Variants in DNAH11 observed in about 807,000 individuals in gnomAD.
DNAH11 encodes the protein axonemal beta dynein heavy chain 11.
In DNAH11, 442 loss-of-function variants were observed where a neutral mutation model predicts 526.0. That is an observed-to-expected ratio of 0.84 (90% CI 0.78 to 0.91). The LOEUF (loss-of-function observed/expected upper bound fraction) is 0.91, where lower values mean the gene tolerates loss of function less well. DNAH11 is among the 40% of genes least tolerant of loss of function. DNAH11 has a pLI of 0.00. For missense variants in DNAH11, 6,989 were observed against 5,448.7 expected (o/e 1.28, Z -8.90); for synonymous variants, 2,461 against 1,935.9 (o/e 1.27, Z -7.12).
chr7:21,789,805 C>CTTTCTTTCTTTCTTTCTTTT (rs1788370094), intron 61 of DNAH11, among the ~76,000 whole-genome samples: 1 of 59,660 alleles, frequency 1.7e-5, no homozygotes, highest in Non-Finnish European at 3.6e-5. Flanking sequence ...TTCTTTCTTT[C>CTTTCTTTCTTTCTTTCTTTT]TTTTTTCTTT....
intron 58 of DNAH11, among the ~76,000 whole-genome samples, chr7:21,785,765 T>G (rs1299157575): frequency 6.6e-6 from 1 of 152,230 alleles, no homozygotes; most frequent in Non-Finnish European, 1.5e-5. Flanking sequence ...TTTAAGACTT[T>G]GTTTTTGTTC....
At position 21,807,945 on chromosome 7, in the gene DNAH11, G is replaced by C. The variant is rs1375506690; in HGVS notation, c.10228G>C (p.Asp3410His). 1 of 1,609,826 alleles carries C rather than the reference G, an allele frequency of 6.2e-7. No individual in the cohort carries two copies. Among genetic ancestry groups the C allele is most frequent in the Admixed American group, 1.7e-5 (1 of 59,936 alleles). The change falls in exon 63 of 82, where the codon GAT becomes CAT. Residue 3410 changes from aspartate (D) to histidine (H), a missense_variant. Asp to His is a moderately conservative substitution (Grantham distance 81). Coordinates refer to ENST00000409508, the MANE Select transcript of DNAH11 (RefSeq NM_001277115.2). ...AGCTCAAGAGAAGACACTCTGTGGA[G>C]ATGTTCTTCTCACGGCGGCATTTGT... ...FEAQEKTLCG[D>H]VLLTAAFVSY... is the part of the protein sequence containing the mutation.
chr7:21,710,824 T>C (rs1784438134), intron 41 of DNAH11, 121 bp downstream of exon 41: 7 of 995,774 alleles, frequency 7.0e-6, no homozygotes, highest in Non-Finnish European at 9.8e-6. Context: ...TATGTAATTA[T>C]TATTTTGATA....
At chr7:21,722,431 A>G (rs576538453) in intron 44 of DNAH11, among the ~76,000 whole-genome samples, 7 of 152,294 alleles carry the variant, frequency 4.6e-5, no homozygotes, top group Admixed American at 1.3e-4. Context: ...TAAATGGGGC[A>G]TTTACATTGA....
At chr7:21,649,351 CTTTA>C (rs1787518540) in intron 28 of DNAH11, among the ~76,000 whole-genome samples, 1 of 152,158 alleles carries the variant, frequency 6.6e-6, no homozygotes, top group Non-Finnish European at 1.5e-5. Flanking sequence ...TTCATAGCCA[CTTTA>C]TTTATAATAG....
At chr7:21,869,372 A>G (rs1783412182) in intron 73 of DNAH11, among the ~76,000 whole-genome samples, 1 of 151,800 alleles carries the variant, frequency 6.6e-6, no homozygotes, top group Admixed American at 6.6e-5. Flanking sequence ...TTTTTAATGT[A>G]TATTGTTGTT....
chr7:21,644,825 A>G (rs1445873631), intron 28 of DNAH11, among the ~76,000 whole-genome samples: 2 of 152,220 alleles, frequency 1.3e-5, no homozygotes, highest in Admixed American at 6.5e-5. Flanking sequence ...TGATTCACCT[A>G]GAGGTTCAGG....
chr7:21,637,489 TAGA>T, intron 26 of DNAH11, 119 bp from the exon 27 acceptor site: 1 of 709,322 alleles, frequency 1.4e-6, no homozygotes, highest in Non-Finnish European at 2.5e-6. Context: ...CAGACATTCT[TAGA>T]AGTATCTTTG....
intron 54 of DNAH11, among the ~76,000 whole-genome samples, chr7:21,762,315 C>T (rs1786957774): frequency 6.6e-6 from 1 of 152,110 alleles, no homozygotes; most frequent in Admixed American, 6.5e-5. Flanking sequence ...CTAACACATT[C>T]CTAAGATTGG....
At chr7:21,850,510 G>A (rs1000833871) in intron 66 of DNAH11, among the ~76,000 whole-genome samples, 108 of 150,162 alleles carry the variant, frequency 7.2e-4, no homozygotes, top group African/African-American at 2.5e-3. Context: ...CATTAAACCC[G>A]TTAGCACATT....
At position 21,735,988 on chromosome 7, in the gene DNAH11, G is replaced by A. The variant is rs575008255; in HGVS notation, c.7645+144G>A. 1.8e-5 allele frequency: 14 copies of A among 790,778 alleles called. No individual in the cohort carries two copies. The African/African-American group carries it at 2.4e-4, about 14-fold the overall frequency. The allele number at this position is 790,778 out of a possible 1,614,324, so 49.0% of individuals were successfully genotyped here. A position where few individuals can be genotyped will look rare whatever the true frequency, so the allele number is the denominator to read the frequency against. On this transcript the variant is annotated intron_variant, in intron 46 of 81. Transcript: ENST00000409508. ...AGATGAATTTGTACTTATCATCCTTGTTAAATATACGTTGTTTAAATATTG... is the reference window on the plus strand; with the variant it reads ...AGATGAATTTGTACTTATCATCCTTATTAAATATACGTTGTTTAAATATTG...
intron 20 of DNAH11, among the ~76,000 whole-genome samples, chr7:21,609,581 T>C (rs1279746204): frequency 6.6e-6 from 1 of 152,092 alleles, no homozygotes; most frequent in Non-Finnish European, 1.5e-5. Context: ...AAAAAAACGA[T>C]TAAAAATAAA....
chr7:21,888,864 C>A (rs1207846736), intron 76 of DNAH11, among the ~76,000 whole-genome samples: 3 of 152,096 alleles, frequency 2.0e-5, no homozygotes, highest in Non-Finnish European at 4.4e-5. Flanking sequence ...TCTATCGATT[C>A]TTTTTGTTTT....
chr7:21,889,261 T>C (rs1784244529), intron 76 of DNAH11, among the ~76,000 whole-genome samples: 1 of 152,250 alleles, frequency 6.6e-6, no homozygotes, highest in South Asian at 2.1e-4. Flanking sequence ...AATGTTCCAT[T>C]GTATGGACAT....
At chr7:21,644,169 A>G (rs532992223) in intron 28 of DNAH11, among the ~76,000 whole-genome samples, 23 of 152,336 alleles carry the variant, frequency 1.5e-4, no homozygotes, top group Admixed American at 2.0e-4. Context: ...TTGGCATTCA[A>G]AAAGGTGCTT....
chr7:21,718,108 A>G (rs1267336076), intron 43 of DNAH11, among the ~76,000 whole-genome samples, 183 bp downstream of exon 43: 1 of 138,410 alleles, frequency 7.2e-6, no homozygotes, highest in Non-Finnish European at 1.5e-5. Flanking sequence ...GCAAACCTCT[A>G]TCACATTCTG....
At chr7:21,543,644 A>AG (rs1399548328) in intron 1 of DNAH11, 48 bp downstream of exon 1, 19 of 1,535,220 alleles carry the variant, frequency 1.2e-5, no homozygotes, top group Non-Finnish European at 1.6e-5. Context: ...AAAACTACCC[A>AG]GGGGAGACAG....
chr7:21,863,586 A>G (rs541765404), intron 69 of DNAH11, among the ~76,000 whole-genome samples: 2 of 152,286 alleles, frequency 1.3e-5, no homozygotes, highest in African/African-American at 4.8e-5. Flanking sequence ...TCTGCCTCCG[A>G]AAGTGCTGGG....
At chr7:21,698,849 A>G (rs189461980) in intron 36 of DNAH11, among the ~76,000 whole-genome samples, 400 of 152,282 alleles carry the variant, frequency 2.6e-3, no homozygotes, top group African/African-American at 9.1e-3. Flanking sequence ...GGATTGCTAG[A>G]TCAAATGGAG....
Sources: allele counts gnomAD v4.1 joint callset (sites outside exome capture counted in the v4.1 genomes callset), GRCh38; gene constraint gnomAD v4.1.1; transcripts MANE v1.5; gene names NCBI Gene and HGNC (gene_info 2026-07-23, HGNC 2026-07-21).